Variants in GPM6A observed in about 807,000 individuals in gnomAD.
GPM6A encodes the protein neuronal membrane glycoprotein M6-a.
GPM6A carries 7 observed loss-of-function variants against 32.1 expected under a neutral mutation model. That is an observed-to-expected ratio of 0.22 (90% CI 0.12 to 0.41). The LOEUF (loss-of-function observed/expected upper bound fraction) is 0.41, where lower values mean the gene tolerates loss of function less well. Ranked by LOEUF, GPM6A falls within the 10% of genes least tolerant of loss-of-function variation. GPM6A has a pLI of 1.00. For synonymous variants in GPM6A, 130 were observed against 123.4 expected, an observed-to-expected ratio of 1.05 and a Z score of -0.35; for missense variants, 235 against 347.2, an observed-to-expected ratio of 0.68 and a Z score of 2.57.
At chr4:175,901,876 C>T (rs1737980009) in intron 1 of GPM6A, among the ~76,000 whole-genome samples, 1 of 152,002 alleles carries the variant, frequency 6.6e-6, no homozygotes, top group Admixed American at 6.6e-5. Flanking sequence ...GATCCACCCA[C>T]CTCAGCCTCT....
chr4:175,859,452 C>T (rs13122870), intron 1 of GPM6A, among the ~76,000 whole-genome samples: 5,118 of 152,228 alleles, frequency 0.034, 118 homozygotes, highest in Middle Eastern at 0.065. Flanking sequence ...TTAAGCAACA[C>T]GAAACTCAGT....
chr4:175,699,128 C>T (rs1744733810), intron 2 of GPM6A, among the ~76,000 whole-genome samples: 1 of 152,248 alleles, frequency 6.6e-6, no homozygotes. Flanking sequence ...AAATAATGCA[C>T]AGTGAGAACA....
chr4:175,904,653 G>T (rs1315127830), intron 1 of GPM6A, among the ~76,000 whole-genome samples: 1 of 152,118 alleles, frequency 6.6e-6, no homozygotes, highest in Non-Finnish European at 1.5e-5. Context: ...GAACGTGAAG[G>T]TATAGTATCT....
intron 1 of GPM6A, 26 bp from the exon 2 acceptor site, chr4:175,701,793 T>C: frequency 6.5e-7 from 1 of 1,528,760 alleles, no homozygotes; most frequent in Non-Finnish European, 8.9e-7. Context: ...AAGGGAGAAA[T>C]TCATATTTTT....
intron 1 of GPM6A, chr4:175,805,841 T>C (rs1734673421): frequency 1.3e-5 from 2 of 152,184 alleles, no homozygotes; most frequent in South Asian, 4.1e-4. Context: ...CTGAGTCTCA[T>C]CTTTGACCAA....
At chr4:175,992,949 T>A (rs1741195735) in intron 1 of GPM6A, among the ~76,000 whole-genome samples, 1 of 152,206 alleles carries the variant, frequency 6.6e-6, no homozygotes. Context: ...ATAATAAATG[T>A]ATATCATTAG....
chr4:175,954,301 C>G (rs972752456), intron 1 of GPM6A, among the ~76,000 whole-genome samples: 2 of 152,208 alleles, frequency 1.3e-5, no homozygotes, highest in African/African-American at 2.4e-5. Flanking sequence ...TTTTCATCAT[C>G]TCCATGAGTT....
At chr4:175,914,133 G>T (rs958674341) in intron 1 of GPM6A, among the ~76,000 whole-genome samples, 2 of 151,330 alleles carry the variant, frequency 1.3e-5, no homozygotes, top group African/African-American at 4.9e-5. Flanking sequence ...TGGGCAGGAG[G>T]GGAAAGAGAA....
intron 1 of GPM6A, among the ~76,000 whole-genome samples, chr4:175,791,100 C>A (rs961545553): frequency 9.2e-5 from 14 of 151,998 alleles, no homozygotes; most frequent in African/African-American, 3.4e-4. Context: ...CCATTTTTTT[C>A]ACAATTTATA....
chr4:175,881,313 A>C (rs1737267963), intron 1 of GPM6A, among the ~76,000 whole-genome samples: 1 of 152,236 alleles, frequency 6.6e-6, no homozygotes, highest in Non-Finnish European at 1.5e-5. Context: ...CACACCAGTT[A>C]GAATGGCGAT....
At chr4:175,819,819 C>A (rs1215043358) in intron 1 of GPM6A, among the ~76,000 whole-genome samples, 1 of 152,098 alleles carries the variant, frequency 6.6e-6, no homozygotes, top group Non-Finnish European at 1.5e-5. Context: ...TGTATTCATC[C>A]AAAAACAAAA....
intron 1 of GPM6A, among the ~76,000 whole-genome samples, chr4:175,829,992 A>G (rs909383981): frequency 1.1e-4 from 16 of 152,148 alleles, no homozygotes; most frequent in Admixed American, 4.6e-4. Flanking sequence ...GTCTAGGCAT[A>G]GTAGTTGGCT....
intron 1 of GPM6A, among the ~76,000 whole-genome samples, chr4:175,857,089 T>C (rs573457026): frequency 3.9e-5 from 6 of 152,314 alleles, no homozygotes; most frequent in South Asian, 2.1e-4. Flanking sequence ...GGGGAAACTA[T>C]GTGTAAATAG....
intron 1 of GPM6A, among the ~76,000 whole-genome samples, chr4:175,982,433 A>C (rs1740846119): frequency 6.6e-6 from 1 of 152,144 alleles, no homozygotes; most frequent in African/African-American, 2.4e-5. Flanking sequence ...TGTACAAGTT[A>C]GGTCAAAGTT....
intron 1 of GPM6A, among the ~76,000 whole-genome samples, chr4:175,950,962 T>G (rs1490084098): frequency 6.6e-6 from 1 of 152,188 alleles, no homozygotes; most frequent in African/African-American, 2.4e-5. Context: ...TGTTAAAATA[T>G]AGTATTTGTA....
chr4:175,758,302 A>C (rs1475097071), intron 1 of GPM6A, among the ~76,000 whole-genome samples: 2 of 152,192 alleles, frequency 1.3e-5, no homozygotes, highest in African/African-American at 4.8e-5. Flanking sequence ...AATTGGAAAA[A>C]ATATAAAGTG....
chr4:175,962,217 A>C (rs993124551), intron 1 of GPM6A: 2 of 1,302,028 alleles, frequency 1.5e-6, no homozygotes, highest in East Asian at 2.3e-5. Flanking sequence ...TCAGTTCATG[A>C]TGGTGGAACA....
At chr4:175,659,888 C>T (rs1468328057) in intron 3 of GPM6A, among the ~76,000 whole-genome samples, 2 of 152,062 alleles carry the variant, frequency 1.3e-5, no homozygotes, top group Non-Finnish European at 2.9e-5. Context: ...TATATCTTAC[C>T]ATGTGTTTAT....
intron 1 of GPM6A, among the ~76,000 whole-genome samples, chr4:175,974,427 T>G (rs1740598626): frequency 6.6e-6 from 1 of 152,066 alleles, no homozygotes; most frequent in Non-Finnish European, 1.5e-5. Flanking sequence ...CCCATGTCAG[T>G]TCACTGCAGC....
Sources: gnomAD v4.1 joint callset for allele counts (sites outside exome capture counted in the v4.1 genomes callset) on GRCh38, gnomAD v4.1.1 for gene constraint, MANE v1.5 for transcripts, NCBI Gene and HGNC (gene_info 2026-07-23, HGNC 2026-07-21) for gene names.